The following ADAM2 variants were observed in gnomAD, a reference collection of about 807,000 sequenced individuals.
The protein encoded by ADAM2 is disintegrin and metalloproteinase domain-containing protein 2.
Under a neutral mutation model 99.3 loss-of-function variants are expected in ADAM2, and 101 were observed. The ratio of observed to expected loss-of-function variants is 1.02; its 90% CI spans 0.87 to 1.20. ADAM2 has a LOEUF of 1.20. Among genes scored for constraint, ADAM2 ranks in the 50% most tolerant of loss-of-function variants. The pLI is 0.00. For missense variants in ADAM2, 948 were observed against 878.7 expected (o/e 1.08, Z -1.00); for synonymous variants, 323 against 287.6 (o/e 1.12, Z -1.25).
At chr8:39,818,735 A>G (rs1445705934) in intron 6 of ADAM2, among the ~76,000 whole-genome samples, 1 of 152,096 alleles carries the variant, frequency 6.6e-6, no homozygotes, top group Non-Finnish European at 1.5e-5. Flanking sequence ...ATACAAAACC[A>G]ATATGGAAAA....
At chr8:39,794,704 G>C (rs1330724129) in intron 7 of ADAM2, among the ~76,000 whole-genome samples, 7 of 151,990 alleles carry the variant, frequency 4.6e-5, no homozygotes, top group Non-Finnish European at 2.9e-5. Flanking sequence ...CATACCCCCT[G>C]CTTGCTCAAT....
intron 14 of ADAM2, among the ~76,000 whole-genome samples, chr8:39,766,177 T>C (rs1279633206): frequency 6.6e-6 from 1 of 152,196 alleles, no homozygotes. Flanking sequence ...GTTTGAACTG[T>C]ATTTATATGA....
At chr8:39,823,643 T>C (rs1327608717) in intron 4 of ADAM2, among the ~76,000 whole-genome samples, 4 of 152,130 alleles carry the variant, frequency 2.6e-5, no homozygotes, top group Non-Finnish European at 4.4e-5. Context: ...TGTGATCTCC[T>C]GTGCCTCTGT....
intron 7 of ADAM2, among the ~76,000 whole-genome samples, chr8:39,794,412 T>A (rs978735049): frequency 7.2e-5 from 11 of 152,110 alleles, no homozygotes; most frequent in Admixed American, 7.2e-4. Context: ...AAGTTAGCTA[T>A]AGCATGCTGG....
chr8:39,826,230 A>G (rs1805393387), intron 3 of ADAM2, among the ~76,000 whole-genome samples: 1 of 152,236 alleles, frequency 6.6e-6, no homozygotes, highest in African/African-American at 2.4e-5. Context: ...TAGTACTGGT[A>G]TAAAAATAGA....
At chr8:39,800,335 G>A (rs1163516147) in intron 7 of ADAM2, among the ~76,000 whole-genome samples, 1 of 152,132 alleles carries the variant, frequency 6.6e-6, no homozygotes, top group Non-Finnish European at 1.5e-5. Context: ...TTTTCTTTAA[G>A]AATGTTGAAT....
rs117303122 is a variant in ADAM2, at chr8:39,772,543, C to T, written c.1029-2968G>A. 2.0e-5 allele frequency among the ~76,000 whole-genome samples: 3 copies of T among 152,096 alleles called. No homozygotes were observed. The East Asian group carries it at 5.8e-4, about 29-fold the overall frequency. ...TGAAATTATACTGTGAAACATCACA[C>T]AATTAAAAGAATGGTAATTTCTCAA... On this transcript the variant is annotated intron_variant, in intron 11 of 20. Transcript: ENST00000265708.
intron 6 of ADAM2, among the ~76,000 whole-genome samples, chr8:39,813,902 G>T: frequency 6.6e-6 from 1 of 150,916 alleles, no homozygotes; most frequent in South Asian, 2.1e-4. Context: ...ATGTACCCTA[G>T]AACTTAAAGT....
At chr8:39,752,309 C>T (rs564569357) in intron 16 of ADAM2, among the ~76,000 whole-genome samples, 2 of 152,232 alleles carry the variant, frequency 1.3e-5, no homozygotes, top group Non-Finnish European at 2.9e-5. Flanking sequence ...GAAAACAAAA[C>T]AAAATCTGGC....
chr8:39,767,089 A>C lies in ADAM2; in HGVS notation c.1312-46T>G, dbSNP rs550797084. 3.1e-6 allele frequency: 5 copies of C among 1,601,246 alleles called. No homozygotes were observed. In the East Asian group the frequency reaches 8.9e-5, roughly 29 times the overall value. On this transcript the variant is annotated intron_variant, in intron 13 of 20. Transcript: ENST00000265708. ...ATATTGAATTAAGCAGAATGAGAAT[A>C]CATAAGCATAATAATGATAACTACT...
At chr8:39,783,844 C>G (rs1465421058) in intron 10 of ADAM2, among the ~76,000 whole-genome samples, 1 of 151,640 alleles carries the variant, frequency 6.6e-6, no homozygotes, top group African/African-American at 2.4e-5. Context: ...CCCAGCTACT[C>G]AGGAGGCTGA....
At chr8:39,772,197 G>A (rs1334974067) in intron 11 of ADAM2, among the ~76,000 whole-genome samples, 1 of 150,876 alleles carries the variant, frequency 6.6e-6, no homozygotes, top group African/African-American at 2.4e-5. Flanking sequence ...TCTTCATGGA[G>A]ATTTGCTGGA....
chr8:39,761,305 G>A, intron 14 of ADAM2, 24 bp from the exon 15 acceptor site: 1 of 1,415,420 alleles, frequency 7.1e-7, no homozygotes, highest in South Asian at 1.3e-5. Flanking sequence ...GGTGAGGTTA[G>A]TCATATTAAA....
intron 7 of ADAM2, among the ~76,000 whole-genome samples, chr8:39,798,003 C>T (rs979111034): frequency 6.6e-6 from 1 of 152,142 alleles, no homozygotes; most frequent in Non-Finnish European, 1.5e-5. Flanking sequence ...ACTTCACTTA[C>T]TCTCTTTTTA....
In ADAM2 at chr8:39,753,886, G is replaced by A. The variant is rs75729718; in HGVS notation, c.1797+1842C>T. ...AGGCAAGAAATAGCATGAAAATGGG[G>A]CAATTTAAAAACCTGCCAACTTGCC... On this transcript the variant is annotated intron_variant, in intron 16 of 20. Coordinates refer to ENST00000265708, the MANE Select transcript of ADAM2 (RefSeq NM_001464.5). Among the ~76,000 whole-genome samples the A allele has an allele frequency of 1.9e-3, 291 of 152,060 alleles. 1 individual carries two copies. Among genetic ancestry groups the A allele is most frequent in the African/African-American group, 6.9e-3 (285 of 41,480 alleles).
intron 6 of ADAM2, chr8:39,817,808 A>G (rs1350156371): frequency 1.3e-5 from 2 of 151,990 alleles, no homozygotes; most frequent in African/African-American, 2.4e-5. Context: ...ATATTTAAAG[A>G]CCTATAAGGG....
At chr8:39,810,338 G>A (rs752750764) in intron 6 of ADAM2, among the ~76,000 whole-genome samples, 5 of 152,134 alleles carry the variant, frequency 3.3e-5, no homozygotes, top group Admixed American at 1.3e-4. Flanking sequence ...AATAATGGGC[G>A]ACTTTAACAC....
In ADAM2 at chr8:39,785,340, C is replaced by T. The variant is rs148685712; in HGVS notation, c.891+1634G>A. On this transcript the variant is annotated intron_variant, in intron 10 of 20. Transcript: ENST00000265708. The stretch of plus-strand genomic sequence containing the variant: ...AAACACCATCTCACACCAGTCAGAA[C>T]GGCTCTTATTACAAAATAAAAAACA... 4.2e-3 allele frequency among the ~76,000 whole-genome samples: 637 copies of T among 152,264 alleles called. 1 individual carries two copies. The highest frequency in any genetic ancestry group is 7.1e-3 in the Non-Finnish European group (485 of 68,020).
At chr8:39,793,491 A>C (rs1803804394) in intron 7 of ADAM2, among the ~76,000 whole-genome samples, 1 of 152,150 alleles carries the variant, frequency 6.6e-6, no homozygotes, top group African/African-American at 2.4e-5. Flanking sequence ...TTTAAGCTAG[A>C]AGGTAGAGAT....
Sources: gnomAD v4.1 joint callset for allele counts (sites outside exome capture counted in the v4.1 genomes callset) on GRCh38, gnomAD v4.1.1 for gene constraint, MANE v1.5 for transcripts, NCBI Gene and HGNC (gene_info 2026-07-23, HGNC 2026-07-21) for gene names.